CBLB: variants seen among roughly 807,000 people sequenced by gnomAD.
CBLB encodes the protein Cbl proto-oncogene B, also known as E3 ubiquitin-protein ligase CBL-B.
A neutral mutation model predicts 104.9 loss-of-function variants in CBLB; 31 were observed. The ratio of observed to expected loss-of-function variants is 0.30; its 90% CI spans 0.22 to 0.40. The LOEUF (loss-of-function observed/expected upper bound fraction) is 0.40, where lower values mean the gene tolerates loss of function less well. Among genes scored for constraint, CBLB ranks in the 10% least tolerant of loss-of-function variants. The pLI is 1.00. For synonymous variants in CBLB, 440 were observed against 422.6 expected (o/e 1.04, Z -0.51); for missense variants, 1,062 against 1,214.6 (o/e 0.87, Z 1.87).
chr3:105,813,927 T>C (rs1161885088), intron 3 of CBLB, among the ~76,000 whole-genome samples: 1 of 152,178 alleles, frequency 6.6e-6, no homozygotes, highest in Non-Finnish European at 1.5e-5. Context: ...CTGTCATATA[T>C]ACTGCTTACA....
chr3:105,792,869 T>TAG (rs201221407), intron 3 of CBLB, among the ~76,000 whole-genome samples: 2,653 of 152,294 alleles, frequency 0.017, 67 homozygotes, highest in African/African-American at 0.06. Flanking sequence ...TGTCTAGTTC[T>TAG]ATCCTTAAGG....
intron 3 of CBLB, among the ~76,000 whole-genome samples, chr3:105,777,425 C>A (rs941829805): frequency 1.3e-5 from 2 of 152,130 alleles, no homozygotes; most frequent in Non-Finnish European, 2.9e-5. Flanking sequence ...TGGCTAGAGC[C>A]CAGAGTTTGA....
At chr3:105,850,768 C>T (rs138671526) in intron 3 of CBLB, among the ~76,000 whole-genome samples, 1 of 152,308 alleles carries the variant, frequency 6.6e-6, no homozygotes, top group African/African-American at 2.4e-5. Flanking sequence ...AGTCAAAATA[C>T]ACAGATGGAA....
intron 18 of CBLB, among the ~76,000 whole-genome samples, chr3:105,665,221 G>A (rs921688496): frequency 2.6e-5 from 4 of 151,598 alleles, no homozygotes; most frequent in Non-Finnish European, 5.9e-5. Context: ...TGACCAATAT[G>A]GTGAAACCCT....
At position 105,702,405 on chromosome 3, in the gene CBLB, G is replaced by T; in HGVS notation, c.1648C>A (p.Pro550Thr). ...QDKPLPAPPPPLRDPPPPPPE... is the reference protein window; with the variant it reads ...QDKPLPAPPPTLRDPPPPPPE... ...GGCGGTGGAGGAGGATCTCTTAAGGGAGGAGGTGGTGCTGGGAGTGGTTTA... is the reference window on the plus strand; with the variant it reads ...GGCGGTGGAGGAGGATCTCTTAAGGTAGGAGGTGGTGCTGGGAGTGGTTTA... The change falls in exon 12 of 19, where the codon CCC becomes ACC. Residue 550 changes from proline (P) to threonine (T), a missense_variant. By Grantham distance (38) the Pro-to-Thr change is conservative (BLOSUM62 -1). Around this residue, in one of 2 missense-constraint regions of CBLB, gnomAD observed 605 missense variants for 582.6 expected, o/e 1.04. Coordinates refer to ENST00000394030, the MANE Select transcript of CBLB (RefSeq NM_170662.5). 6.2e-7 allele frequency: 1 copy of T among 1,607,038 alleles called. No individual in the cohort carries two copies. Among genetic ancestry groups the T allele is most frequent in the Non-Finnish European group, 8.5e-7 (1 of 1,176,128 alleles).
intron 3 of CBLB, among the ~76,000 whole-genome samples, chr3:105,782,356 C>T (rs756955611): frequency 4.6e-5 from 7 of 152,182 alleles, no homozygotes; most frequent in Non-Finnish European, 8.8e-5. Context: ...TTTCAACTTG[C>T]TCCATTTTAC....
Position 105,826,102 on chromosome 3 carries a change from G to GCATGACACAACTCCAC in CBLB, c.419+27311_419+27312insGTGGAGTTGTGTCATG, listed in dbSNP as rs1553840894. On this transcript the variant is annotated intron_variant, in intron 3 of 18. Coordinates refer to ENST00000394030, the MANE Select transcript of CBLB (RefSeq NM_170662.5). ...ATGGCTCCAGCATGACACGGCTCCAGCATGACAGCATGACATGGATCCAGC... is the reference window on the plus strand; with the variant it reads ...ATGGCTCCAGCATGACACGGCTCCAGCATGACACAACTCCACCATGACAGCATGACATGGATCCAGC... 5.2e-3 allele frequency among the ~76,000 whole-genome samples: 790 copies of GCATGACACAACTCCAC among 152,202 alleles called. 10 individuals carry two copies. Among genetic ancestry groups the GCATGACACAACTCCAC allele is most frequent in the African/African-American group, 0.017 (705 of 41,546 alleles).
rs138071442 is a variant in CBLB at position 105,851,313 on chromosome 3, T to C, written c.419+2101A>G. Among the ~76,000 whole-genome samples the C allele has an allele frequency of 7.6e-3, 1,154 of 152,188 alleles. 9 individuals carry two copies. The highest frequency in any genetic ancestry group is 0.012 in the Non-Finnish European group (811 of 68,012). On this transcript the variant is annotated intron_variant, in intron 3 of 18. Coordinates refer to ENST00000394030, the MANE Select transcript of CBLB (RefSeq NM_170662.5). ...TACATATTGTGTGAGTCCAACTATG[T>C]AACACTGTGGAGAAGGCAAAACTGC... is the stretch of plus-strand genomic sequence containing the variant.
chr3:105,692,550 C>T lies in CBLB; in HGVS notation c.2054+944G>A, dbSNP rs148294616. Among the ~76,000 whole-genome samples the T allele has an allele frequency of 6.2e-4, 94 of 152,038 alleles. No homozygotes were observed. In the East Asian group the frequency reaches 8.5e-3, roughly 14 times the overall value. ...CAGGAGGAACAGCATAAAAATCTCA[C>T]AAAGTCAGAAAAAACAATCCAGATA... On this transcript the variant is annotated intron_variant, in intron 13 of 18. Coordinates refer to ENST00000394030, the MANE Select transcript of CBLB (RefSeq NM_170662.5).
intron 12 of CBLB, among the ~76,000 whole-genome samples, chr3:105,695,222 TTAA>T (rs1447778474): frequency 6.6e-6 from 1 of 151,876 alleles, no homozygotes; most frequent in East Asian, 1.9e-4. Context: ...AGATAGATGC[TTAA>T]TAAAATTTCA....
Position 105,676,654 on chromosome 3 carries a change from C to T in CBLB, c.2569+1777G>A, listed in dbSNP as rs1016796271. 6.6e-5 allele frequency among the ~76,000 whole-genome samples: 10 copies of T among 152,172 alleles called. No individual in the cohort carries two copies. The South Asian group carries it at 1.7e-3, about 25-fold the overall frequency. On this transcript the variant is annotated intron_variant, in intron 17 of 18. Coordinates refer to ENST00000394030, the MANE Select transcript of CBLB (RefSeq NM_170662.5). Reference sequence around the variant, plus strand: ...GTTTTGAATAAGTGAAAAAAAATAGCGAAATACAGCAGTGTTTACATGTAA... The same window carrying T: ...GTTTTGAATAAGTGAAAAAAAATAGTGAAATACAGCAGTGTTTACATGTAA...
rs530558054 is a variant in CBLB, at chr3:105,833,976, C to T, written c.419+19438G>A. ...TTGTCAGGTCCAGAATTAACTTGCCCTCTGAAAAAATCTCTACCTAGCCCA... is the reference window on the plus strand; with the variant it reads ...TTGTCAGGTCCAGAATTAACTTGCCTTCTGAAAAAATCTCTACCTAGCCCA... On this transcript the variant is annotated intron_variant, in intron 3 of 18. Coordinates refer to ENST00000394030, the MANE Select transcript of CBLB (RefSeq NM_170662.5). Among the ~76,000 whole-genome samples, 12 of 151,254 alleles carry T rather than the reference C, an allele frequency of 7.9e-5. No homozygotes were observed. The East Asian group carries it at 2.3e-3, about 29-fold the overall frequency.
chr3:105,691,798 T>A (rs536902453), intron 13 of CBLB, among the ~76,000 whole-genome samples: 11 of 152,134 alleles, frequency 7.2e-5, no homozygotes, highest in Non-Finnish European at 1.5e-4. Context: ...ATTCGCTGAG[T>A]TTCCCACCGT....
rs750896348 is a variant in CBLB at position 105,658,954 on chromosome 3, T to C, written c.*16A>G. On this transcript the variant is annotated 3_prime_UTR_variant, in exon 19 of 19. Transcript: ENST00000394030. ...ACATCGATTGCTTTCCATTTTGGTG[T>C]CTACAGTTCTGGCTGCTATAGATTT... The C allele has an allele frequency of 1.2e-6, 2 of 1,613,256 alleles. No homozygotes were observed. Among genetic ancestry groups the C allele is most frequent in the African/African-American group, 2.7e-5 (2 of 74,846 alleles).
At chr3:105,678,687 G>C in intron 16 of CBLB, 116 bp from the exon 17 acceptor site, 1 of 1,204,582 alleles carries the variant, frequency 8.3e-7, no homozygotes. Context: ...TTCACTCGCA[G>C]GGTTTATCCA....
intron 3 of CBLB, among the ~76,000 whole-genome samples, chr3:105,834,138 G>A (rs548087972): frequency 1.8e-4 from 28 of 151,402 alleles, no homozygotes; most frequent in African/African-American, 6.3e-4. Context: ...CAAAGGATAC[G>A]AAATTTCAGT....
At chr3:105,791,354 T>C (rs2081616081) in intron 3 of CBLB, among the ~76,000 whole-genome samples, 1 of 152,216 alleles carries the variant, frequency 6.6e-6, no homozygotes, top group African/African-American at 2.4e-5. Flanking sequence ...AAAGATGTGT[T>C]TCTCTTTCAA....
At chr3:105,763,867 A>G (rs1215423586) in intron 4 of CBLB, among the ~76,000 whole-genome samples, 5 of 152,168 alleles carry the variant, frequency 3.3e-5, no homozygotes, top group Non-Finnish European at 5.9e-5. Context: ...GGACTTTGTT[A>G]CTCACAGCAA....
intron 9 of CBLB, 54 bp from the exon 10 acceptor site, chr3:105,720,304 G>T: frequency 6.8e-7 from 1 of 1,470,224 alleles, no homozygotes; most frequent in East Asian, 2.3e-5. Context: ...ACAGTACCGA[G>T]AAATGCTAAT....
Sources: allele counts gnomAD v4.1 joint callset (sites outside exome capture counted in the v4.1 genomes callset), GRCh38; gene constraint gnomAD v4.1.1; regional missense constraint gnomAD v4.1.1; transcripts MANE v1.5; gene names NCBI Gene and HGNC (gene_info 2026-07-23, HGNC 2026-07-21).